TBX1: variants seen among roughly 807,000 people sequenced by gnomAD.
TBX1 encodes T-box transcription factor 1.
TBX1 carries 16 observed loss-of-function variants against 40.8 expected under a neutral mutation model. The observed-to-expected ratio is 0.39, with a 90% confidence interval of 0.27 to 0.60. The LOEUF (loss-of-function observed/expected upper bound fraction) is 0.60. TBX1 is among the 20% of genes least tolerant of loss of function. The pLI is 0.51. For missense variants in TBX1, 755 were observed against 728.5 expected, an observed-to-expected ratio of 1.04 and a Z score of -0.42; for synonymous variants, 403 against 336.8, an observed-to-expected ratio of 1.20 and a Z score of -2.15.
At position 19,766,434 on chromosome 22, in the gene TBX1, C is replaced by T. The variant is rs1001921296; in HGVS notation, c.1082C>T (p.Pro361Leu). The change falls in exon 7 of 7, where the codon CCA becomes CTA. Residue 361 changes from proline to leucine, a missense_variant. By Grantham distance (98) the Pro-to-Leu change is moderately conservative. Around this residue, in one of 3 missense-constraint regions of TBX1, gnomAD observed 412 missense variants for 317.6 expected, o/e 1.30. Transcript: ENST00000649276. ...RREFQRDAGG[P>L]AVLGDPAHPP... ...GAATTCCAGCGCGACGCGGGCGGGCCAGCAGTGCTCGGGGACCCGGCGCAT... is the reference window on the plus strand; with the variant it reads ...GAATTCCAGCGCGACGCGGGCGGGCTAGCAGTGCTCGGGGACCCGGCGCAT... The T allele has an allele frequency of 3.8e-5, 51 of 1,349,320 alleles. No homozygotes were observed. Among genetic ancestry groups the T allele is most frequent in the Non-Finnish European group, 4.8e-5 (50 of 1,045,900 alleles). 83.6% of individuals were successfully genotyped at this position (1,349,320 alleles called of 1,614,324 possible).
intron 6 of TBX1, 130 bp downstream of exon 6, chr22:19,766,132 G>T: frequency 1.1e-6 from 1 of 880,976 alleles, no homozygotes; most frequent in Non-Finnish European, 1.4e-6. Flanking sequence ...AACGGCCGCG[G>T]CGGCGGGCAA....
intron 2 of TBX1, 99 bp from the exon 3 acceptor site, chr22:19,764,056 G>A (rs1811958365): frequency 1.4e-6 from 2 of 1,383,346 alleles, no homozygotes; most frequent in Admixed American, 3.6e-5. Context: ...TCACAGGTGG[G>A]GAAACTTCTC....
At chr22:19,757,675 G>A (rs943622240), upstream of TBX1, among the ~76,000 whole-genome samples, 1 of 152,054 alleles carries the variant, frequency 6.6e-6, no homozygotes, top group Non-Finnish European at 1.5e-5. Flanking sequence ...CCTACCACCC[G>A]CCTCCACGGG....
chr22:19,783,292 C>A, downstream of TBX1: 1 of 453,072 alleles, frequency 2.2e-6, no homozygotes. Context: ...GACTCGATTT[C>A]TCTACACCCC....
downstream of TBX1, among the ~76,000 whole-genome samples, chr22:19,768,953 C>CTTTTTTTTTTTTTTTTTTTTTTTTTTTTT (rs36085623): frequency 7.6e-5 from 5 of 66,128 alleles, 1 homozygote; most frequent in African/African-American, 1.0e-4. Context: ...TGTTCGCATT[C>CTTTTTTTTTTTTTTTTTTTTTTTTTTTTT]TTTTTTTTTT....
Position 19,766,320 on chromosome 22 carries a change from C to T in TBX1, c.1037-69C>T, listed in dbSNP as rs1372330829. 35 of 1,226,088 alleles carry T rather than the reference C, an allele frequency of 2.9e-5. 1 individual carries two copies. Among genetic ancestry groups the T allele is most frequent in the Non-Finnish European group, 3.3e-5 (32 of 982,284 alleles). 76.0% of individuals were successfully genotyped at this position (1,226,088 alleles called of 1,614,324 possible). A position where few individuals can be genotyped will look rare whatever the true frequency, so the allele number is the denominator to read the frequency against. On this transcript the variant is annotated intron_variant, in intron 6 of 6. Transcript: ENST00000649276. ...CCAAGAGCCTTCTCTCCGCCAGGGC[C>T]TCGCATGGGGCGTCGGAGCTCCTCG...
chr22:19,764,140 C>G lies in TBX1; in HGVS notation c.540-15C>G, dbSNP rs45561334. On this transcript the variant is annotated splice_polypyrimidine_tract_variant and intron_variant, in intron 2 of 6. Coordinates refer to ENST00000649276, the MANE Select transcript of TBX1 (RefSeq NM_001379200.1). ...TTCACCTCCACATGCACGACCCCAC[C>G]CCGTGCCGCTCCAGGTACGCCTTCC... 302 of 1,612,606 alleles carry G rather than the reference C, an allele frequency of 1.9e-4. No homozygotes were observed. The highest frequency in any genetic ancestry group is 2.5e-4 in the Non-Finnish European group (292 of 1,179,834).
downstream of TBX1, among the ~76,000 whole-genome samples, chr22:19,769,605 G>T (rs1936954427): frequency 6.6e-6 from 1 of 152,236 alleles, no homozygotes; most frequent in South Asian, 2.1e-4. Context: ...CGCTGCGGGG[G>T]CTGTCTGGCT....
chr22:19,760,209 T>A, upstream of TBX1, among the ~76,000 whole-genome samples: 1 of 101,914 alleles, frequency 9.8e-6, no homozygotes, highest in African/African-American at 3.9e-5. Context: ...AGGAAAGACT[T>A]TAGTTTTTTT....
chr22:19,781,855 G>A (rs1937145739), downstream of TBX1, among the ~76,000 whole-genome samples: 1 of 152,192 alleles, frequency 6.6e-6, no homozygotes, highest in South Asian at 2.1e-4. Context: ...AGGTGCAGTG[G>A]CATGTACCTA....
In TBX1 at chr22:19,761,125, G is replaced by T; in HGVS notation, c.282G>T (p.Glu94Asp). The T allele has an allele frequency of 7.5e-7, 1 of 1,328,904 alleles. No individual in the cohort carries two copies. The highest frequency in any genetic ancestry group is 9.8e-7 in the Non-Finnish European group (1 of 1,021,650). 82.3% of individuals were successfully genotyped at this position (1,328,904 alleles called of 1,614,324 possible). Residue 94 changes from glutamate (E) to aspartate (D), a missense_variant, in exon 1 of 7, where the codon GAG becomes GAT. This residue lies in a region of TBX1 where 199 missense variants were observed against 173.0 expected (regional missense o/e 1.15). Transcript: ENST00000649276. ...AAGAATSAAA[E>D]PEGPGASCAA... ...GGGCCGCCACCAGCGCCGCCGCCGAGCCCGAGGGCCCCGGGGCCAGCTGCG... is the reference window on the plus strand; with the variant it reads ...GGGCCGCCACCAGCGCCGCCGCCGATCCCGAGGGCCCCGGGGCCAGCTGCG...
intron 8 of TBX1, among the ~76,000 whole-genome samples, chr22:19,775,115 CAG>C (rs1165404980): frequency 2.6e-5 from 4 of 151,062 alleles, no homozygotes; most frequent in South Asian, 4.2e-4. Context: ...GTTTTTGAAA[CAG>C]AGTTTCTCCC....
chr22:19,758,988 G>A (rs1936552398), upstream of TBX1, among the ~76,000 whole-genome samples: 1 of 152,236 alleles, frequency 6.6e-6, no homozygotes. Flanking sequence ...TCCTCACCCA[G>A]GTGCAGGGGC....
At chr22:19,769,074 G>A (rs1231091250), downstream of TBX1, among the ~76,000 whole-genome samples, 1 of 146,118 alleles carries the variant, frequency 6.8e-6, no homozygotes, top group Non-Finnish European at 1.5e-5. Flanking sequence ...GATTTCTTTT[G>A]CTTCAGCCTC....
rs767140968 is a variant in TBX1, at chr22:19,764,219, G to T, written c.604G>T (p.Val202Leu). 4 of 1,613,102 alleles carry T rather than the reference G, an allele frequency of 2.5e-6. No homozygotes were observed. In the South Asian group the frequency reaches 3.3e-5, roughly 13 times the overall value. Residue 202 changes from valine (V) to leucine (L), a missense_variant, in exon 3 of 7, where the codon GTG (valine) becomes TTG (leucine). Coordinates refer to ENST00000649276, the MANE Select transcript of TBX1 (RefSeq NM_001379200.1). ...GGCCGACCCTGCCACGCCAGGCCGC[G>T]TGCACTACCACCCGGACTCGCCTGC... ...GKADPATPGRVHYHPDSPAKG... is the reference protein window; with the variant it reads ...GKADPATPGRLHYHPDSPAKG...
At position 19,760,900 on chromosome 22, in the gene TBX1, T is replaced by C. The variant is rs1256440694; in HGVS notation, c.57T>C (p.Val19=). 6.6e-6 allele frequency: 7 copies of C among 1,058,546 alleles called. No homozygotes were observed. Among genetic ancestry groups the C allele is most frequent in the African/African-American group, 1.7e-5 (1 of 57,524 alleles). 65.6% of individuals were successfully genotyped at this position (1,058,546 alleles called of 1,614,324 possible). Residue 19 remains valine, a synonymous_variant, in exon 1 of 7, where the codon GTT becomes GTC. Coordinates refer to ENST00000649276, the MANE Select transcript of TBX1 (RefSeq NM_001379200.1). ...CGCAGCTCTCGCATTTCTGCGACGT[T>C]GCAGCCTTCACGGCCAGCAGCCTGA... ...WLTQLSHFCD[V]AAFTASSLSS... is the part of the protein sequence containing the mutation.
At chr22:19,759,723 C>T (rs1354840209), upstream of TBX1, 11 of 1,604,670 alleles carry the variant, frequency 6.9e-6, no homozygotes, top group Admixed American at 1.7e-5. Flanking sequence ...GCCAGACCCC[C>T]TGCCTCAGCT....
Position 19,766,918 on chromosome 22 carries a change from C to A in TBX1, c.*51C>A. 4 of 1,567,408 alleles carry A rather than the reference C, an allele frequency of 2.6e-6. No homozygotes were observed. The highest frequency in any genetic ancestry group is 3.4e-6 in the Non-Finnish European group (4 of 1,165,566). ...CGGTCCTGCACAGCCCCGAAGTTCG[C>A]CGGGCCCGGCCACCCTGCCCCAAGG... On this transcript the variant is annotated 3_prime_UTR_variant, in exon 7 of 7. Transcript: ENST00000649276.
chr22:19,757,205 CGCCCT>C (rs1936507074), upstream of TBX1, among the ~76,000 whole-genome samples: 1 of 152,168 alleles, frequency 6.6e-6, no homozygotes, highest in South Asian at 2.1e-4. Context: ...CTCTTCCCGT[CGCCCT>C]TCTGGTTGAC....
Sources: gnomAD v4.1 joint callset for allele counts (sites outside exome capture counted in the v4.1 genomes callset) on GRCh38, gnomAD v4.1.1 for gene constraint, gnomAD v4.1.1 regional missense constraint, MANE v1.5 for transcripts, NCBI Gene and HGNC (gene_info 2026-07-23, HGNC 2026-07-21) for gene names.